Variants in CFAP58 observed in about 807,000 individuals in gnomAD.
The protein encoded by CFAP58 is cilia and flagella associated protein 58.
Under a neutral mutation model 119.5 loss-of-function variants are expected in CFAP58, and 88 were observed. That is an observed-to-expected ratio of 0.74 (90% confidence interval 0.62 to 0.88). The LOEUF (loss-of-function observed/expected upper bound fraction) is 0.88, where lower values mean the gene tolerates loss of function less well. Among genes scored for constraint, CFAP58 ranks in the 40% least tolerant of loss-of-function variants. The pLI, the probability that CFAP58 is intolerant of heterozygous loss-of-function variation, is 0.00. For synonymous variants in CFAP58, 365 were observed against 366.3 expected, an observed-to-expected ratio of 1.00 and a Z score of 0.04; for missense variants, 990 against 1,021.2, an observed-to-expected ratio of 0.97 and a Z score of 0.42.
chr10:104,357,833 ATGTACACATATG>A (rs2014570631), intron 1 of CFAP58, among the ~76,000 whole-genome samples: 1 of 122,502 alleles, frequency 8.2e-6, no homozygotes, highest in Non-Finnish European at 1.8e-5. Flanking sequence ...ATACACATAT[ATGTACACATATG>A]TACACATATA....
chr10:104,426,171 C>T (rs777689718), intron 15 of CFAP58, among the ~76,000 whole-genome samples: 1 of 152,070 alleles, frequency 6.6e-6, no homozygotes. Context: ...GACCAGAGGT[C>T]GAGGCTGCAG....
At position 104,430,495 on chromosome 10, in the gene CFAP58, T is replaced by C. The variant is rs374492228; in HGVS notation, c.2257-17203T>C. ...ATCTTCTTTCTATTACAGAGCTTAA[T>C]ACACAATTTTCCACTTCCCTAAAAT... On this transcript the variant is annotated intron_variant, in intron 15 of 17. Coordinates refer to ENST00000369704, the MANE Select transcript of CFAP58 (RefSeq NM_001008723.2). Among the ~76,000 whole-genome samples the C allele has an allele frequency of 1.8e-4, 28 of 152,370 alleles. 1 individual carries two copies. The highest frequency in any genetic ancestry group is 6.3e-4 in the African/African-American group (26 of 41,590).
At chr10:104,378,936 GCCTGGGTCCTAT>G (rs2011724859) in intron 8 of CFAP58, among the ~76,000 whole-genome samples, 1 of 151,208 alleles carries the variant, frequency 6.6e-6, no homozygotes, top group Non-Finnish European at 1.5e-5. Context: ...AAAAGTAGGT[GCCTGGGTCCTAT>G]CCCAGACCCA....
intron 7 of CFAP58, among the ~76,000 whole-genome samples, chr10:104,374,453 GAAAAAA>G (rs71022730): frequency 5.2e-4 from 16 of 30,716 alleles, no homozygotes; most frequent in Middle Eastern, 0.028. Context: ...CTTGTTTCAG[GAAAAAA>G]AAAAAAAAAA....
At chr10:104,426,145 T>G (rs2012741134) in intron 15 of CFAP58, among the ~76,000 whole-genome samples, 1 of 152,080 alleles carries the variant, frequency 6.6e-6, no homozygotes, top group Non-Finnish European at 1.5e-5. Context: ...GATGGGAGGA[T>G]CACCTGATCA....
In CFAP58 at chr10:104,368,435, A is replaced by T; in HGVS notation, c.805A>T (p.Arg269Ter). 1.2e-6 allele frequency: 2 copies of T among 1,613,802 alleles called. No homozygotes were observed. Among genetic ancestry groups the T allele is most frequent in the Non-Finnish European group, 1.7e-6 (2 of 1,179,806 alleles). The change falls in exon 6 of 18, where the codon AGA (arginine) becomes TGA (stop). Residue 269 changes from arginine to a stop codon, truncating the protein, a stop_gained. Coordinates refer to ENST00000369704, the MANE Select transcript of CFAP58 (RefSeq NM_001008723.2). LOFTEE classifies it high-confidence loss of function. ...QLKEQKILNE[R>*]AAKELEQFQM... ...CCATCCCTTTCAGATATTGAATGAG[A>T]GAGCTGCAAAGGAACTCGAGCAATT...
intron 15 of CFAP58, among the ~76,000 whole-genome samples, chr10:104,418,625 C>T (rs1284920630): frequency 2.0e-5 from 3 of 152,210 alleles, no homozygotes; most frequent in Admixed American, 2.0e-4. Context: ...TCTTTAGTGC[C>T]TCCCAATAGA....
rs1374366017 is a variant in CFAP58, at chr10:104,404,046, A to C, written c.2151+206A>C. ...GTTTTGTTTTAAAAGTCTTGCACAA[A>C]ATTCTTTCTACCTAAAGAAAGCCCA... On this transcript the variant is annotated intron_variant, in intron 14 of 17. Coordinates refer to ENST00000369704, the MANE Select transcript of CFAP58 (RefSeq NM_001008723.2). Among the ~76,000 whole-genome samples, 3 of 152,218 alleles carry C rather than the reference A, an allele frequency of 2.0e-5. No individual in the cohort carries two copies. The South Asian group carries it at 6.2e-4, about 31-fold the overall frequency.
the CFAP58 span, among the ~76,000 whole-genome samples, chr10:104,347,287 C>T: frequency 2.0e-5 from 3 of 152,028 alleles, no homozygotes; most frequent in Non-Finnish European, 1.5e-5. Flanking sequence ...CCTCAGGTGT[C>T]ACGAGGGGAG....
At chr10:104,399,540 A>G in intron 12 of CFAP58, 40 bp downstream of exon 12, 12 of 1,601,666 alleles carry the variant, frequency 7.5e-6, no homozygotes, top group Non-Finnish European at 1.0e-5. Flanking sequence ...CCTTGTCAAC[A>G]GACACGGGTA....
chr10:104,357,985 A>G (rs145429883), intron 1 of CFAP58, among the ~76,000 whole-genome samples: 3 of 142,692 alleles, frequency 2.1e-5, no homozygotes, highest in African/African-American at 5.6e-5. Context: ...GTACATATGT[A>G]CACATATATG....
chr10:104,451,940 T>C (rs534838673), intron 17 of CFAP58, among the ~76,000 whole-genome samples: 11 of 151,970 alleles, frequency 7.2e-5, no homozygotes, highest in Admixed American at 2.0e-4. Flanking sequence ...TGTTTTGTCA[T>C]GTTGGCCAGG....
chr10:104,429,621 T>C (rs2012810454), intron 15 of CFAP58, among the ~76,000 whole-genome samples: 1 of 152,240 alleles, frequency 6.6e-6, no homozygotes, highest in Non-Finnish European at 1.5e-5. Context: ...TGAATATTAC[T>C]GTGGCTCTCT....
chr10:104,381,225 G>T (rs1282499101), intron 9 of CFAP58, among the ~76,000 whole-genome samples: 2 of 152,180 alleles, frequency 1.3e-5, no homozygotes, highest in Non-Finnish European at 2.9e-5. Context: ...GGGGAGCTGA[G>T]TTCTAGATCT....
intron 15 of CFAP58, among the ~76,000 whole-genome samples, chr10:104,410,428 C>A (rs561908687): frequency 6.6e-6 from 1 of 152,132 alleles, no homozygotes; most frequent in Non-Finnish European, 1.5e-5. Flanking sequence ...AGTTCTTTAA[C>A]CAATAGATTT....
In CFAP58 at chr10:104,399,398, A is replaced by G. The variant is rs2012221239; in HGVS notation, c.1713A>G (p.Thr571=). The change falls in exon 12 of 18, where the codon ACA becomes ACG. Residue 571 remains threonine (T), a synonymous_variant. Transcript: ENST00000369704. ...AGCTGAGACAACAAGCCCTGGAGACAAAACACTTTATTGAAAAGCAAGAAG... is the reference window on the plus strand; with the variant it reads ...AGCTGAGACAACAAGCCCTGGAGACGAAACACTTTATTGAAAAGCAAGAAG... ...LQKLRQQALE[T]KHFIEKQEAE... The G allele has an allele frequency of 5.0e-6, 8 of 1,613,852 alleles. No homozygotes were observed. The highest frequency in any genetic ancestry group is 6.8e-6 in the Non-Finnish European group (8 of 1,179,786).
At chr10:104,446,031 G>T (rs1035348995) in intron 15 of CFAP58, among the ~76,000 whole-genome samples, 16 of 152,340 alleles carry the variant, frequency 1.1e-4, no homozygotes, top group African/African-American at 3.4e-4. Context: ...TGAGCTGAAA[G>T]AAATGGACAA....
chr10:104,357,858 C>CACATATGT (rs2014576409), intron 1 of CFAP58, among the ~76,000 whole-genome samples: 1 of 77,430 alleles, frequency 1.3e-5, no homozygotes, highest in Admixed American at 1.1e-4. Flanking sequence ...CACATATATA[C>CACATATGT]ACATATATAC....
At chr10:104,368,671 T>G in intron 6 of CFAP58, 111 bp downstream of exon 6, 1 of 1,142,774 alleles carries the variant, frequency 8.8e-7, no homozygotes, top group South Asian at 1.5e-5. Context: ...CTGAGTACAT[T>G]GACACATCAG....
Sources: allele counts gnomAD v4.1 joint callset (sites outside exome capture counted in the v4.1 genomes callset), GRCh38; gene constraint gnomAD v4.1.1; transcripts MANE v1.5; gene names NCBI Gene and HGNC (gene_info 2026-07-23, HGNC 2026-07-21).